TNIP3: variants seen among roughly 807,000 people sequenced by gnomAD.
The protein encoded by TNIP3 is TNFAIP3 interacting protein 3.
A neutral mutation model predicts 54.1 loss-of-function variants in TNIP3; 34 were observed. The observed-to-expected ratio is 0.63, with a 90% CI of 0.48 to 0.84. TNIP3 has a LOEUF of 0.84. TNIP3 is among the 40% of genes least tolerant of loss of function. The pLI, the probability that TNIP3 is intolerant of heterozygous loss-of-function variation, is 0.00. For missense variants in TNIP3, 366 were observed against 387.6 expected (o/e 0.94, Z 0.47); for synonymous variants, 134 against 136.8 (o/e 0.98, Z 0.14).
intron 3 of TNIP3, among the ~76,000 whole-genome samples, chr4:121,176,686 G>A (rs893530199): frequency 2.1e-4 from 32 of 149,530 alleles, no homozygotes; most frequent in Middle Eastern, 3.4e-3. Context: ...CAAAAAAAGG[G>A]AAATAAGAAA....
chr4:121,223,040 C>A lies in TNIP3; in HGVS notation c.3+4345G>T, dbSNP rs556096574. 9.9e-5 allele frequency among the ~76,000 whole-genome samples: 15 copies of A among 152,246 alleles called. No homozygotes were observed. In the East Asian group the frequency reaches 2.3e-3, roughly 24 times the overall value. ...CAGGATGGTCTCGATCTCCTGACCT[C>A]GTGATCCGCCCGCCTCGGCCTCCCA... On this transcript the variant is annotated intron_variant, in intron 1 of 12. Coordinates refer to the TNIP3 transcript ENST00000509841.
At chr4:121,149,955 T>A (rs1729646940) in intron 6 of TNIP3, 148 bp downstream of exon 6, 1 of 578,052 alleles carries the variant, frequency 1.7e-6, no homozygotes, top group Middle Eastern at 3.0e-4. Context: ...ATTCTTTCTA[T>A]CAAGCTTGAA....
intron 1 of TNIP3, chr4:121,227,333 C>A: frequency 2.0e-6 from 3 of 1,516,942 alleles, no homozygotes; most frequent in Admixed American, 4.0e-5. Context: ...TACAACCAAC[C>A]CTGGTAAGTA....
At position 121,207,380 on chromosome 4, in the gene TNIP3, A is replaced by C. The variant is rs140222366; in HGVS notation, c.68+9035T>G. On this transcript the variant is annotated intron_variant, in intron 2 of 12. Transcript: ENST00000507879. Reference sequence around the variant, plus strand: ...CAGGAAAATCAAGAAAATTCCATTAAGTTTAAATCTATTAAAGTTTCATAG... The same window carrying C: ...CAGGAAAATCAAGAAAATTCCATTACGTTTAAATCTATTAAAGTTTCATAG... Among the ~76,000 whole-genome samples the C allele has an allele frequency of 4.6e-3, 705 of 152,330 alleles. 10 individuals are homozygous for C. The highest frequency in any genetic ancestry group is 0.016 in the African/African-American group (679 of 41,572).
chr4:121,203,449 G>C (rs951658732), intron 2 of TNIP3, among the ~76,000 whole-genome samples: 5 of 152,118 alleles, frequency 3.3e-5, no homozygotes, highest in Non-Finnish European at 7.4e-5. Context: ...ATGATACAAT[G>C]GACTTTGGGG....
intron 2 of TNIP3, among the ~76,000 whole-genome samples, chr4:121,208,540 C>A (rs1177352065): frequency 1.3e-5 from 2 of 152,158 alleles, no homozygotes; most frequent in Admixed American, 1.3e-4. Flanking sequence ...TAGCCCTGAT[C>A]CCTGAATTTT....
rs146950480 is a variant in TNIP3 at position 121,173,303 on chromosome 4, G to A, written c.190-9157C>T. ...GATATGAGGTGGCTTGACCTTTGAC[G>A]TTGTATCCAAACAAAATCTTAACAA... On this transcript the variant is annotated intron_variant, in intron 3 of 12. Transcript: ENST00000507879. Among the ~76,000 whole-genome samples the A allele has an allele frequency of 1.7e-3, 258 of 152,268 alleles. 1 individual carries two copies. The highest frequency in any genetic ancestry group is 0.011 in the East Asian group (59 of 5,176).
chr4:121,215,956 A>C (rs13104663), intron 2 of TNIP3, among the ~76,000 whole-genome samples: 1 of 151,590 alleles, frequency 6.6e-6, no homozygotes. Context: ...GATTGATAGA[A>C]TGTGGAAAGC....
At chr4:121,175,135 C>T (rs1013905167) in intron 3 of TNIP3, among the ~76,000 whole-genome samples, 1 of 152,176 alleles carries the variant, frequency 6.6e-6, no homozygotes, top group African/African-American at 2.4e-5. Context: ...TTAACATTGT[C>T]ATGAGTTTAC....
chr4:121,159,025 T>G (rs529730701), intron 2 of TNIP3, among the ~76,000 whole-genome samples: 1 of 152,318 alleles, frequency 6.6e-6, no homozygotes, highest in South Asian at 2.1e-4. Flanking sequence ...GTGGGATCAC[T>G]TGAGGTCAAG....
At position 121,150,752 on chromosome 4, in the gene TNIP3, A is replaced by G. The variant is rs1013647409; in HGVS notation, c.493-533T>C. ...ACTATATAACTATGGCATGCCTCCA[A>G]CAAGAGAGAGGGACATCCACAGAAA... On this transcript the variant is annotated intron_variant, in intron 5 of 10. Transcript: ENST00000057513. Among the ~76,000 whole-genome samples, 9 of 152,218 alleles carry G rather than the reference A, an allele frequency of 5.9e-5. No individual in the cohort carries two copies. The South Asian group carries it at 8.3e-4, about 14-fold the overall frequency.
chr4:121,139,796 G>A (rs934768114), intron 9 of TNIP3, among the ~76,000 whole-genome samples: 3 of 152,208 alleles, frequency 2.0e-5, no homozygotes, highest in East Asian at 1.9e-4. Context: ...TTATCTTCTC[G>A]TTTATTTTTA....
At chr4:121,145,807 T>C (rs2148801197) in intron 7 of TNIP3, among the ~76,000 whole-genome samples, 1 of 151,808 alleles carries the variant, frequency 6.6e-6, no homozygotes, top group South Asian at 2.1e-4. Flanking sequence ...TAAAAGAAAT[T>C]AGAGTAGTTG....
chr4:121,166,514 G>T (rs1730774888), upstream of TNIP3, among the ~76,000 whole-genome samples: 1 of 152,184 alleles, frequency 6.6e-6, no homozygotes, highest in African/African-American at 2.4e-5. Context: ...GAGAAACAGA[G>T]GTGTCATTCC....
At chr4:121,161,325 T>TA (rs201850714) in intron 1 of TNIP3, 109 bp from the exon 2 acceptor site, 1 of 859,230 alleles carries the variant, frequency 1.2e-6, no homozygotes, top group Non-Finnish European at 1.7e-6. Context: ...TGTTGCGATT[T>TA]AAAAAATACC....
chr4:121,164,371 T>G (rs1730642826), upstream of TNIP3: 1 of 1,249,504 alleles, frequency 8.0e-7, no homozygotes, highest in African/African-American at 1.5e-5. Context: ...CTCTTCCAAA[T>G]AGGGATTTCC....
intron 3 of TNIP3, among the ~76,000 whole-genome samples, chr4:121,174,512 T>C (rs1724191058): frequency 6.6e-6 from 1 of 152,098 alleles, no homozygotes; most frequent in African/African-American, 2.4e-5. Context: ...AAAACATGGG[T>C]GATACAAGGA....
chr4:121,145,989 A>AAG (rs1553930603), intron 7 of TNIP3, among the ~76,000 whole-genome samples: 1 of 151,776 alleles, frequency 6.6e-6, no homozygotes, highest in South Asian at 2.1e-4. Context: ...TAAAAAAAAA[A>AAG]AGAGAGAGAG....
chr4:121,165,939 A>G (rs1730743530), upstream of TNIP3, among the ~76,000 whole-genome samples: 1 of 152,196 alleles, frequency 6.6e-6, no homozygotes, highest in African/African-American at 2.4e-5. Flanking sequence ...TATTGTAAGA[A>G]TATTTTTCTT....
Sources: allele counts gnomAD v4.1 joint callset (sites outside exome capture counted in the v4.1 genomes callset), GRCh38; gene constraint gnomAD v4.1.1; transcripts MANE v1.5; gene names NCBI Gene and HGNC (gene_info 2026-07-23, HGNC 2026-07-21).